Variants in GGA1 observed in about 807,000 individuals in gnomAD.
GGA1 encodes golgi associated, gamma adaptin ear containing, ARF binding protein 1, also known as ADP-ribosylation factor-binding protein GGA1.
Under a neutral mutation model 76.9 loss-of-function variants are expected in GGA1, and 18 were observed. That is an observed-to-expected ratio of 0.23 (90% CI 0.16 to 0.35). GGA1 has a LOEUF of 0.35. Ranked by LOEUF, GGA1 falls within the 10% of genes least tolerant of loss-of-function variation. GGA1 has a pLI of 1.00. For missense variants in GGA1, 755 were observed against 859.0 expected (o/e 0.88, Z 1.51); for synonymous variants, 342 against 354.7 (o/e 0.96, Z 0.40).
At chr22:37,609,073 C>G (rs999914000) in intron 1 of GGA1, 170 bp downstream of exon 1, 2 of 1,489,726 alleles carry the variant, frequency 1.3e-6, no homozygotes, top group Non-Finnish European at 1.8e-6. Flanking sequence ...CGATGGAGGA[C>G]CCCGGCCCCG....
Position 37,623,674 on chromosome 22 carries a change from C to A in GGA1, c.832+41C>A, listed in dbSNP as rs1433326186. 1.5e-6 allele frequency: 2 copies of A among 1,300,186 alleles called. No homozygotes were observed. The highest frequency in any genetic ancestry group is 2.2e-6 in the Non-Finnish European group (2 of 920,252). 80.5% of individuals were successfully genotyped at this position (1,300,186 alleles called of 1,614,324 possible). On this transcript the variant is annotated intron_variant, in intron 9 of 16. Coordinates refer to ENST00000343632, the MANE Select transcript of GGA1 (RefSeq NM_013365.5). This position sits in a 1 kb window ranked among gnomAD's most constrained non-coding sequence, Gnocchi z 4.6. ...GTGCTGAGGTCAGGTCCCCCCCTCT[C>A]CCTCCACCTCCTGCCCCCACCTCCC...
intron 12 of GGA1, 34 bp from the exon 13 acceptor site, chr22:37,629,964 C>T: frequency 6.8e-7 from 1 of 1,468,118 alleles, no homozygotes; most frequent in South Asian, 1.3e-5. Context: ...CCTCTCTAGA[C>T]AGCCCCACCC....
Position 37,616,776 on chromosome 22 carries a change from T to C in GGA1, c.129-146T>C, listed in dbSNP as rs1455969738. The C allele has an allele frequency of 8.4e-6, 8 of 951,802 alleles. No individual in the cohort carries two copies. In the East Asian group the frequency reaches 2.4e-4, roughly 29 times the overall value. 59.0% of individuals were successfully genotyped at this position (951,802 alleles called of 1,614,324 possible). On this transcript the variant is annotated intron_variant, in intron 2 of 16. Coordinates refer to ENST00000343632, the MANE Select transcript of GGA1 (RefSeq NM_013365.5). ...GCAGAAACCTTAGAGGGCTGAAGTC[T>C]CGGCGGCGGGCTGGGGTGGTGACCC... is the stretch of plus-strand genomic sequence containing the variant.
chr22:37,627,831 A>C (rs1372745510), intron 11 of GGA1, among the ~76,000 whole-genome samples: 1 of 152,220 alleles, frequency 6.6e-6, no homozygotes, highest in African/African-American at 2.4e-5. Flanking sequence ...CTGGGGCCAC[A>C]CAGGGGGCTG....
At chr22:37,619,990 C>T in intron 4 of GGA1, 2 of 621,552 alleles carry the variant, frequency 3.2e-6, no homozygotes, top group Non-Finnish European at 5.8e-6. Context: ...CATGTCAGTT[C>T]TGCATCCTCA....
At chr22:37,608,954 C>G in intron 1 of GGA1, 51 bp downstream of exon 1, 7 of 1,322,674 alleles carry the variant, frequency 5.3e-6, no homozygotes, top group Non-Finnish European at 6.8e-6. Context: ...ACCGGGGGCA[C>G]GAGGCGGGCC....
chr22:37,613,981 G>T, intron 1 of GGA1: 1 of 545,264 alleles, frequency 1.8e-6, no homozygotes. Context: ...TCTAAAAGTG[G>T]GGCCCTTTGG....
chr22:37,615,289 T>C (rs111316276), intron 2 of GGA1, among the ~76,000 whole-genome samples: 3,019 of 145,326 alleles, frequency 0.021, 101 homozygotes, highest in African/African-American at 0.073. Context: ...CTACTAAAAA[T>C]ACAAAAAAAA....
Position 37,625,785 on chromosome 22 carries a change from T to C in GGA1, c.941-12T>C, listed in dbSNP as rs369951806. ...CACCCAGGACTTGCCAGCCTCTTCTTTCCCACCCCAGGGAGCACCTCGGCC... is the reference window on the plus strand; with the variant it reads ...CACCCAGGACTTGCCAGCCTCTTCTCTCCCACCCCAGGGAGCACCTCGGCC... On this transcript the variant is annotated splice_polypyrimidine_tract_variant and intron_variant, in intron 10 of 16. Transcript: ENST00000343632. The surrounding 1 kb of genome is among the most constrained non-coding windows in gnomAD (Gnocchi z 4.1). 1.8e-5 allele frequency: 27 copies of C among 1,540,672 alleles called. No homozygotes were observed. Among genetic ancestry groups the C allele is most frequent in the Non-Finnish European group, 2.6e-6 (3 of 1,136,864 alleles).
intron 4 of GGA1, 70 bp from the exon 5 acceptor site, chr22:37,620,168 T>C (rs905175409): frequency 8.9e-6 from 14 of 1,577,496 alleles, no homozygotes; most frequent in Non-Finnish European, 1.2e-5. Context: ...CAGTAGGGTG[T>C]GGACAGGGCT....
intron 13 of GGA1, chr22:37,630,571 C>G (rs1232999285): frequency 1.4e-5 from 6 of 444,426 alleles, no homozygotes; most frequent in Non-Finnish European, 2.4e-5. Flanking sequence ...CAAAGAATCA[C>G]TTTTTCTTTT....
In GGA1 at chr22:37,608,866, G is replaced by T. The variant is rs1000281879; in HGVS notation, c.6G>T (p.Glu2Asp). The T allele has an allele frequency of 7.7e-6, 10 of 1,306,210 alleles. 1 individual carries two copies. Among genetic ancestry groups the T allele is most frequent in the East Asian group, 3.1e-5 (1 of 31,858 alleles). 80.9% of individuals were successfully genotyped at this position (1,306,210 alleles called of 1,614,324 possible). A position where few individuals can be genotyped will look rare whatever the true frequency, so the allele number is the denominator to read the frequency against. Reference protein sequence around the residue: MEPAMEPETLEA... With the variant: MDPAMEPETLEA... The stretch of plus-strand genomic sequence containing the variant: ...AGGCTGGGGGCCGGTGGCGGATGGA[G>T]CCCGCGATGGAGCCGGAGACTCTGG... The change falls in exon 1 of 17, where the codon GAG becomes GAT. Residue 2 changes from glutamate (E) to aspartate (D), a missense_variant. Transcript: ENST00000343632.
At chr22:37,616,648 T>C (rs968992302) in intron 2 of GGA1, among the ~76,000 whole-genome samples, 1 of 152,174 alleles carries the variant, frequency 6.6e-6, no homozygotes, top group Non-Finnish European at 1.5e-5. Flanking sequence ...GCTGAGCTCA[T>C]ACCTTTTGAA....
chr22:37,632,696 C>T lies in GGA1; in HGVS notation c.1905C>T (p.Thr635=), dbSNP rs775289999. The change falls in exon 17 of 17, where the codon ACC becomes ACT. Residue 635 remains threonine, a synonymous_variant. Transcript: ENST00000343632. This position sits in a 1 kb window ranked among gnomAD's most constrained non-coding sequence, Gnocchi z 5.1. ...GDVDQFPPPE[T]WGSL ...TGGACCAGTTCCCCCCACCTGAAAC[C>T]TGGGGTAGCCTCTAGAACAGAGGGG... 1 of 1,594,332 alleles carries T rather than the reference C, an allele frequency of 6.3e-7. No individual in the cohort carries two copies.
At chr22:37,609,945 G>A (rs1927195881) in intron 1 of GGA1, among the ~76,000 whole-genome samples, 1 of 152,190 alleles carries the variant, frequency 6.6e-6, no homozygotes, top group African/African-American at 2.4e-5. Flanking sequence ...GTTGGCCCCA[G>A]AACCAAACCT....
rs374129944 is a variant in GGA1, at chr22:37,616,918, C to T, written c.129-4C>T. On this transcript the variant is annotated splice_polypyrimidine_tract_variant and splice_region_variant and intron_variant, in intron 2 of 16. Coordinates refer to ENST00000343632, the MANE Select transcript of GGA1 (RefSeq NM_013365.5). ...TCTGGCTCTGTGTTGTTCCTCCCAC[C>T]CAGGCCTCCACTCGCCACCCGGCTG... 13 of 1,602,606 alleles carry T rather than the reference C, an allele frequency of 8.1e-6. 1 individual carries two copies. The highest frequency in any genetic ancestry group is 4.5e-5 in the South Asian group (4 of 89,172).
intron 1 of GGA1, 121 bp from the exon 2 acceptor site, chr22:37,614,069 G>C (rs1928277830): frequency 1.4e-6 from 1 of 729,266 alleles, no homozygotes; most frequent in Non-Finnish European, 2.5e-6. Context: ...CAGGGGGAGA[G>C]CTTTCCCACG....
chr22:37,609,169 G>A (rs1926971667), intron 1 of GGA1: 6 of 1,436,100 alleles, frequency 4.2e-6, no homozygotes, highest in Non-Finnish European at 5.5e-6. Flanking sequence ...GCTGCGCCGG[G>A]AACCCCCGGG....
intron 3 of GGA1, 191 bp from the exon 4 acceptor site, chr22:37,618,257 G>T: frequency 1.8e-6 from 1 of 568,440 alleles, no homozygotes; most frequent in Non-Finnish European, 3.2e-6. Context: ...TAGGTCGCCT[G>T]ACCCTATCTC....
Sources: allele counts gnomAD v4.1 joint callset (sites outside exome capture counted in the v4.1 genomes callset), GRCh38; gene constraint gnomAD v4.1.1; non-coding constraint Gnocchi (gnomAD v3.1); transcripts MANE v1.5; gene names NCBI Gene and HGNC (gene_info 2026-07-23, HGNC 2026-07-21).